Variants in ATG4B observed in about 807,000 individuals in gnomAD.
ATG4B encodes cysteine protease ATG4B.
ATG4B carries 29 observed loss-of-function variants against 56.6 expected under a neutral mutation model. The observed-to-expected ratio is 0.51, with a 90% CI of 0.38 to 0.70. The LOEUF (loss-of-function observed/expected upper bound fraction) is 0.70. ATG4B is among the 30% of genes least tolerant of loss of function. The pLI is 0.00. For missense variants in ATG4B, 461 were observed against 515.5 expected, an observed-to-expected ratio of 0.89 and a Z score of 1.02; for synonymous variants, 224 against 206.1, an observed-to-expected ratio of 1.09 and a Z score of -0.74.
At chr2:241,641,448 G>A (rs2067886142) in intron 1 of ATG4B, among the ~76,000 whole-genome samples, 1 of 152,198 alleles carries the variant, frequency 6.6e-6, no homozygotes, top group East Asian at 1.9e-4. Context: ...TACGCAGGAG[G>A]CTGAGGCAGG....
intron 3 of ATG4B, chr2:241,652,088 C>T (rs867132170): frequency 2.6e-5 from 17 of 645,922 alleles, no homozygotes; most frequent in Admixed American, 8.4e-5. Context: ...ATAGCCACAA[C>T]GGCTGGACAT....
chr2:241,650,288 A>G (rs1054682271), intron 1 of ATG4B, among the ~76,000 whole-genome samples: 4 of 151,972 alleles, frequency 2.6e-5, no homozygotes, highest in Non-Finnish European at 4.4e-5. Context: ...GTACCCGGGT[A>G]CCTCTGGGGA....
intron 7 of ATG4B, among the ~76,000 whole-genome samples, chr2:241,660,580 C>T (rs950957681): frequency 6.6e-6 from 1 of 152,148 alleles, no homozygotes; most frequent in African/African-American, 2.4e-5. Flanking sequence ...TTTTATAAAA[C>T]ATTGGAAACA....
At chr2:241,650,340 T>A (rs1010586474) in intron 1 of ATG4B, among the ~76,000 whole-genome samples, 1 of 152,242 alleles carries the variant, frequency 6.6e-6, no homozygotes, top group East Asian at 1.9e-4. Flanking sequence ...GGGGTTAACT[T>A]TCTACCTGAG....
At chr2:241,671,473 G>C in intron 12 of ATG4B, 68 bp downstream of exon 12, 1 of 1,582,028 alleles carries the variant, frequency 6.3e-7, no homozygotes. Context: ...CCCCAGTCCT[G>C]GCCCCCTTGG....
At chr2:241,665,910 ACTGTCAC>A (rs1252244524) in intron 7 of ATG4B, among the ~76,000 whole-genome samples, 2 of 152,042 alleles carry the variant, frequency 1.3e-5, no homozygotes, top group Non-Finnish European at 2.9e-5. Context: ...TGTCACTGTC[ACTGTCAC>A]CTGTCACTGT....
At chr2:241,643,204 C>T (rs1236909514) in intron 1 of ATG4B, among the ~76,000 whole-genome samples, 1 of 151,328 alleles carries the variant, frequency 6.6e-6, no homozygotes. Flanking sequence ...CTTGTTCCTC[C>T]TGCGTGTCAT....
intron 1 of ATG4B, among the ~76,000 whole-genome samples, chr2:241,639,774 ACAAAGTCACTACT>A (rs1226026530): frequency 1.3e-5 from 2 of 152,160 alleles, no homozygotes; most frequent in African/African-American, 4.8e-5. Context: ...AAAGGTTAAA[ACAAAGTCACTACT>A]CAAAGGTGGG....
intron 7 of ATG4B, 118 bp from the exon 8 acceptor site, chr2:241,666,526 TG>T (rs2068779412): frequency 1.9e-6 from 2 of 1,056,520 alleles, no homozygotes; most frequent in Admixed American, 2.3e-5. Flanking sequence ...TGAATTTCAC[TG>T]TAAGCACCTG....
rs554715407 is a variant in ATG4B, at chr2:241,662,827, A to G, written c.538+3640A>G. Among the ~76,000 whole-genome samples the G allele has an allele frequency of 1.7e-3, 259 of 151,984 alleles. 2 individuals are homozygous for G. Among genetic ancestry groups the G allele is most frequent in the South Asian group, 7.3e-3 (35 of 4,814 alleles). On this transcript the variant is annotated intron_variant, in intron 7 of 12. Transcript: ENST00000404914. ...CGCGGTGGCTCACGCCTATAATCCC[A>G]ACTTCAAAACCAATAAAGTGGGCCG...
intron 5 of ATG4B, chr2:241,654,990 T>G: frequency 1.7e-6 from 1 of 577,250 alleles, no homozygotes; most frequent in Non-Finnish European, 3.1e-6. Flanking sequence ...GAGTTGGCCT[T>G]TCTTGCAAGC....
intron 1 of ATG4B, among the ~76,000 whole-genome samples, chr2:241,644,364 T>C (rs1395366250): frequency 6.6e-6 from 1 of 152,062 alleles, no homozygotes; most frequent in African/African-American, 2.4e-5. Flanking sequence ...AAGGAACGTT[T>C]GGGAATGGAA....
chr2:241,659,343 C>A, intron 7 of ATG4B, 156 bp downstream of exon 7: 1 of 719,612 alleles, frequency 1.4e-6, no homozygotes, highest in Non-Finnish European at 2.5e-6. Flanking sequence ...GCCAGATGCA[C>A]GGTGGCCTCG....
chr2:241,650,381 T>C (rs1474828040), intron 1 of ATG4B, among the ~76,000 whole-genome samples: 3 of 152,100 alleles, frequency 2.0e-5, no homozygotes, highest in Non-Finnish European at 4.4e-5. Flanking sequence ...CAGCACCTGC[T>C]CCTAACCAGG....
chr2:241,638,041 C>T (rs1392520355), intron 1 of ATG4B, among the ~76,000 whole-genome samples: 1 of 151,522 alleles, frequency 6.6e-6, no homozygotes, highest in Non-Finnish European at 1.5e-5. Flanking sequence ...CCGTGGAGGG[C>T]GGCGGAGCCT....
chr2:241,673,569 C>G lies in ATG4B; in HGVS notation c.*1305C>G. On this transcript the variant is annotated 3_prime_UTR_variant, in exon 13 of 13. Transcript: ENST00000404914. ...GGTAGCAGAGGACACCCCCAGCCCCCCAAGCATTGAAGACATAGTGTATTT... is the reference window on the plus strand; with the variant it reads ...GGTAGCAGAGGACACCCCCAGCCCCGCAAGCATTGAAGACATAGTGTATTT... 2.2e-6 allele frequency: 1 copy of G among 452,688 alleles called. No individual in the cohort carries two copies. The highest frequency in any genetic ancestry group is 1.6e-5 in the South Asian group (1 of 64,066). 28.0% of individuals were successfully genotyped at this position (452,688 alleles called of 1,614,324 possible).
chr2:241,661,473 A>AGAGTGCGCAAGGGAGGACGTCTGAGGAAG (rs1405757028), intron 7 of ATG4B, among the ~76,000 whole-genome samples: 19 of 152,142 alleles, frequency 1.2e-4, no homozygotes, highest in Non-Finnish European at 2.5e-4. Context: ...CGTGCTGCTA[A>AGAGTGCGCAAGGGAGGACGTCTGAGGAAG]GAGTGCGCAA....
In ATG4B at chr2:241,671,387, G is replaced by A. The variant is rs973950184; in HGVS notation, c.1090G>A (p.Val364Ile). ...GCCTTCACATCTGGCCTGCCCCGAC[G>A]TCCTGAACCTGTCCCTAGGTGAGAG... ...LQPSHLACPD[V>I]LNLSLDSSDV... The change falls in exon 12 of 13, where the codon GTC becomes ATC. Residue 364 changes from valine to isoleucine, a missense_variant. Physicochemically the swap from Val to Ile is conservative, Grantham distance 29. Transcript: ENST00000404914. The A allele has an allele frequency of 1.9e-5, 31 of 1,613,538 alleles. No individual in the cohort carries two copies. Among genetic ancestry groups the A allele is most frequent in the African/African-American group, 4.0e-5 (3 of 74,894 alleles).
intron 1 of ATG4B, among the ~76,000 whole-genome samples, chr2:241,642,963 G>T (rs573951640): frequency 3.6e-5 from 5 of 137,814 alleles, no homozygotes; most frequent in African/African-American, 1.4e-4. Context: ...GCTCACTGCA[G>T]CCTTCGCCTC....
Sources: allele counts gnomAD v4.1 joint callset (sites outside exome capture counted in the v4.1 genomes callset), GRCh38; gene constraint gnomAD v4.1.1; transcripts MANE v1.5; gene names NCBI Gene and HGNC (gene_info 2026-07-23, HGNC 2026-07-21).